The following PLEKHA8 variants were observed in gnomAD, a reference collection of about 807,000 sequenced individuals.
PLEKHA8 encodes the protein pleckstrin homology domain containing A8.
A neutral mutation model predicts 68.2 loss-of-function variants in PLEKHA8; 36 were observed. The ratio of observed to expected loss-of-function variants is 0.53; its 90% CI spans 0.40 to 0.70. PLEKHA8 has a LOEUF of 0.70. Ranked by LOEUF, PLEKHA8 falls within the 30% of genes least tolerant of loss-of-function variation. PLEKHA8 has a pLI of 0.00. For missense variants in PLEKHA8, 505 were observed against 615.4 expected (o/e 0.82, Z 1.90); for synonymous variants, 211 against 216.1 (o/e 0.98, Z 0.20).
intron 13 of PLEKHA8, among the ~76,000 whole-genome samples, chr7:30,101,041 T>G (rs531538654): frequency 1.3e-5 from 2 of 151,828 alleles, no homozygotes; most frequent in Non-Finnish European, 2.9e-5. Context: ...AATACAAAAA[T>G]TAGCTGGGTG....
chr7:30,062,017 T>C lies in PLEKHA8; in HGVS notation c.1219T>C (p.Trp407Arg). Residue 407 changes from tryptophan to arginine, a missense_variant, in exon 11 of 14, where the codon TGG (tryptophan) becomes CGG (arginine). Coordinates refer to ENST00000449726, the MANE Select transcript of PLEKHA8 (RefSeq NM_001197026.2). ...GAACTCAGCGACTGAAGCCCTCTTG[T>C]GGCTGAAGAGGTGAGGCAGCTGGGG... Reference protein sequence around the residue: ...VRNSATEALLWLKRGLKFLKG... With the variant: ...VRNSATEALLRLKRGLKFLKG... The C allele has an allele frequency of 6.2e-7, 1 of 1,613,014 alleles. No individual in the cohort carries two copies. Among genetic ancestry groups the C allele is most frequent in the Non-Finnish European group, 8.5e-7 (1 of 1,179,666 alleles).
At chr7:30,092,711 G>A (rs781257942), downstream of PLEKHA8, among the ~76,000 whole-genome samples, 101 of 152,162 alleles carry the variant, frequency 6.6e-4, no homozygotes, top group Non-Finnish European at 1.3e-4. Flanking sequence ...TTGGGCCGCC[G>A]GTCACAGTCC....
rs375427330 is a variant in PLEKHA8 at position 30,048,267 on chromosome 7, C to T, written c.438+311C>T. ...ATTAATTAATTGATAATATTTGGAA[C>T]CTTTAACTTTAGTACTGTCATACTA... On this transcript the variant is annotated intron_variant, in intron 4 of 13. Coordinates refer to ENST00000449726, the MANE Select transcript of PLEKHA8 (RefSeq NM_001197026.2). 1.5e-4 allele frequency among the ~76,000 whole-genome samples: 23 copies of T among 152,232 alleles called. No homozygotes were observed. In the South Asian group the frequency reaches 4.8e-3, roughly 32 times the overall value.
At chr7:30,090,344 G>A (rs1795366744) in exon 13 of PLEKHA8, 2 of 785,020 alleles carry the variant, frequency 2.5e-6, no homozygotes, top group Non-Finnish European at 4.0e-6. Context: ...TAGGAAAAAA[G>A]AATGACTCAA....
chr7:30,102,063 C>T (rs1301247704), intron 13 of PLEKHA8, among the ~76,000 whole-genome samples: 3 of 152,124 alleles, frequency 2.0e-5, no homozygotes, highest in Admixed American at 2.0e-4. Flanking sequence ...CTAGAATCTA[C>T]AAAGAATTCT....
chr7:30,080,118 T>C lies in PLEKHA8; in HGVS notation c.*1331T>C. On this transcript the variant is annotated 3_prime_UTR_variant, in exon 14 of 14. Coordinates refer to ENST00000449726, the MANE Select transcript of PLEKHA8 (RefSeq NM_001197026.2). ...AAGTGCAGAGCAGGCAAAATGCAGC[T>C]GTTTATCAATCTCAAAAGCTTTGGG... is the stretch of plus-strand genomic sequence containing the variant. The C allele has an allele frequency of 2.0e-6, 2 of 985,426 alleles. No homozygotes were observed. The highest frequency in any genetic ancestry group is 2.4e-6 in the Non-Finnish European group (2 of 829,928). 61.0% of individuals were successfully genotyped at this position (985,426 alleles called of 1,614,324 possible). A position where few individuals can be genotyped will look rare whatever the true frequency, so the allele number is the denominator to read the frequency against.
intron 13 of PLEKHA8, among the ~76,000 whole-genome samples, chr7:30,105,620 G>C (rs182352002): frequency 4.7e-4 from 71 of 152,304 alleles, no homozygotes; most frequent in Non-Finnish European, 8.8e-4. Context: ...ACAAAGAAAT[G>C]ATAGAAAACA....
downstream of PLEKHA8, among the ~76,000 whole-genome samples, chr7:30,088,974 G>A (rs533463997): frequency 3.5e-4 from 54 of 152,168 alleles, 1 homozygote; most frequent in Middle Eastern, 3.4e-3. Flanking sequence ...TGAAACAGAG[G>A]ACTGGAACTA....
chr7:30,049,549 C>A, intron 5 of PLEKHA8, 167 bp downstream of exon 5: 1 of 833,526 alleles, frequency 1.2e-6, no homozygotes, highest in Non-Finnish European at 1.7e-6. Flanking sequence ...CATATCCAGT[C>A]AGTTATTTGT....
At chr7:30,069,539 C>T (rs1372685682) in intron 12 of PLEKHA8, 1 of 152,340 alleles carries the variant, frequency 6.6e-6, no homozygotes, top group East Asian at 1.9e-4. Flanking sequence ...AAGCTTTAGG[C>T]ATAATCTCTA....
At chr7:30,038,951 G>T (rs1225945229) in intron 1 of PLEKHA8, among the ~76,000 whole-genome samples, 1 of 151,126 alleles carries the variant, frequency 6.6e-6, no homozygotes, top group East Asian at 1.9e-4. Flanking sequence ...TTAACATGAG[G>T]TATGCCAGTT....
chr7:30,096,310 A>T (rs1379984648), intron 13 of PLEKHA8, among the ~76,000 whole-genome samples: 1 of 152,110 alleles, frequency 6.6e-6, no homozygotes, highest in Non-Finnish European at 1.5e-5. Context: ...GTTCACCATG[A>T]TTTGGCTCTC....
In PLEKHA8 at chr7:30,054,982, A is replaced by G. The variant is rs1792722902; in HGVS notation, c.953+117A>G. On this transcript the variant is annotated intron_variant, in intron 8 of 13. Transcript: ENST00000449726. The stretch of plus-strand genomic sequence containing the variant: ...TCTAGGAGAATAGAGAATGTGGTAT[A>G]CCAAGTACCTGCTTTACTGTTTACT... The G allele has an allele frequency of 4.9e-6, 5 of 1,024,274 alleles. No individual in the cohort carries two copies. The South Asian group carries it at 8.1e-5, about 17-fold the overall frequency. The allele number at this position is 1,024,274 out of a possible 1,614,324, so 63.4% of individuals were successfully genotyped here.
At chr7:30,117,756 C>T (rs1284512432) in intron 13 of PLEKHA8, among the ~76,000 whole-genome samples, 1 of 151,886 alleles carries the variant, frequency 6.6e-6, no homozygotes, top group Non-Finnish European at 1.5e-5. Context: ...TTTACAACTG[C>T]CAGAATTTAT....
downstream of PLEKHA8, among the ~76,000 whole-genome samples, chr7:30,092,193 A>G (rs1795440567): frequency 6.6e-6 from 1 of 152,202 alleles, no homozygotes; most frequent in African/African-American, 2.4e-5. Flanking sequence ...AGATTGTTAT[A>G]AGGATCAAGT....
At chr7:30,089,869 T>C (rs942831465) in intron 12 of PLEKHA8, among the ~76,000 whole-genome samples, 4 of 152,004 alleles carry the variant, frequency 2.6e-5, no homozygotes, top group African/African-American at 9.7e-5. Flanking sequence ...TAAAATAATA[T>C]AGAACAAATA....
intron 13 of PLEKHA8, among the ~76,000 whole-genome samples, chr7:30,099,800 T>A (rs1795782225): frequency 6.6e-6 from 1 of 152,120 alleles, no homozygotes; most frequent in African/African-American, 2.4e-5. Flanking sequence ...ATAGAACAAC[T>A]AGATAACATA....
At chr7:30,119,203 A>G (rs917310166) in intron 13 of PLEKHA8, among the ~76,000 whole-genome samples, 5 of 152,248 alleles carry the variant, frequency 3.3e-5, no homozygotes, top group Admixed American at 6.5e-5. Context: ...AATAGAAGGA[A>G]TAATATCTGT....
chr7:30,080,644 A>G lies in PLEKHA8; in HGVS notation c.*1857A>G. On this transcript the variant is annotated 3_prime_UTR_variant, in exon 14 of 14. Coordinates refer to ENST00000449726, the MANE Select transcript of PLEKHA8 (RefSeq NM_001197026.2). ...TACTTAAACTTGAAAAATCAACATCACATGTTTTAAAGCTAGGGAGAAAGA... is the reference window on the plus strand; with the variant it reads ...TACTTAAACTTGAAAAATCAACATCGCATGTTTTAAAGCTAGGGAGAAAGA... 1 of 985,244 alleles carries G rather than the reference A, an allele frequency of 1.0e-6. No homozygotes were observed. The highest frequency in any genetic ancestry group is 1.2e-6 in the Non-Finnish European group (1 of 829,858). 61.0% of individuals were successfully genotyped at this position (985,244 alleles called of 1,614,324 possible). A position where few individuals can be genotyped will look rare whatever the true frequency, so the allele number is the denominator to read the frequency against.
Sources: gnomAD v4.1 joint callset for allele counts (sites outside exome capture counted in the v4.1 genomes callset) on GRCh38, gnomAD v4.1.1 for gene constraint, MANE v1.5 for transcripts, NCBI Gene and HGNC (gene_info 2026-07-23, HGNC 2026-07-21) for gene names.